Variants in UPF2 observed in about 807,000 individuals in gnomAD.
UPF2 encodes the protein UPF2 regulator of nonsense mediated mRNA decay, also known as regulator of nonsense transcripts 2.
Under a neutral mutation model 141.4 loss-of-function variants are expected in UPF2, and 17 were observed. The observed-to-expected ratio is 0.12, with a 90% CI of 0.08 to 0.18. UPF2 has a LOEUF of 0.18. Ranked by LOEUF, UPF2 falls within the 10% of genes least tolerant of loss-of-function variation. The pLI is 1.00. For synonymous variants in UPF2, 540 were observed against 498.0 expected (o/e 1.08, Z -1.12); for missense variants, 1,152 against 1,515.9 (o/e 0.76, Z 3.99).
intron 11 of UPF2, among the ~76,000 whole-genome samples, chr10:11,963,214 C>G (rs767539786): frequency 1.3e-5 from 2 of 152,174 alleles, no homozygotes; most frequent in Non-Finnish European, 2.9e-5. Context: ...ACAGCACCTA[C>G]GACACTGTAT....
chr10:12,002,444 C>G (rs544228940), intron 5 of UPF2, among the ~76,000 whole-genome samples: 12 of 152,164 alleles, frequency 7.9e-5, no homozygotes, highest in African/African-American at 2.9e-4. Context: ...GGAAAAAAGG[C>G]TGATTAAAGT....
At chr10:12,000,716 G>T (rs1285156291) in intron 6 of UPF2, among the ~76,000 whole-genome samples, 1 of 152,172 alleles carries the variant, frequency 6.6e-6, no homozygotes, top group Non-Finnish European at 1.5e-5. Flanking sequence ...TGATGCAGGA[G>T]GATGACTTGA....
At chr10:11,944,412 G>A (rs1443983488) in intron 16 of UPF2, among the ~76,000 whole-genome samples, 1 of 152,102 alleles carries the variant, frequency 6.6e-6, no homozygotes, top group East Asian at 1.9e-4. Flanking sequence ...GAGAATCACT[G>A]GAATCTGGGA....
Position 11,956,182 on chromosome 10 carries a change from A to G in UPF2, c.2574+138T>C. The G allele has an allele frequency of 2.3e-6, 2 of 874,592 alleles. No individual in the cohort carries two copies. The highest frequency in any genetic ancestry group is 3.5e-6 in the Non-Finnish European group (2 of 567,942). 54.2% of individuals were successfully genotyped at this position (874,592 alleles called of 1,614,324 possible). Reference sequence around the variant, plus strand: ...AAAAAAGAGGAAAGTGTTTACAGGAAATTCTTATAAAATGATTATCAGCTT... The same window carrying G: ...AAAAAAGAGGAAAGTGTTTACAGGAGATTCTTATAAAATGATTATCAGCTT... On this transcript the variant is annotated intron_variant, in intron 13 of 21. Coordinates refer to ENST00000357604, the MANE Select transcript of UPF2 (RefSeq NM_015542.4). The surrounding 1 kb of genome is among the most constrained non-coding windows in gnomAD (Gnocchi z 4.2).
intron 9 of UPF2, among the ~76,000 whole-genome samples, chr10:11,970,741 C>T (rs976576956): frequency 1.3e-5 from 2 of 151,956 alleles, no homozygotes; most frequent in Non-Finnish European, 2.9e-5. Context: ...CAACCTGGGA[C>T]GGGGAGGTTG....
intron 3 of UPF2, among the ~76,000 whole-genome samples, chr10:12,021,541 GGGAT>G (rs1264151681): frequency 6.6e-6 from 1 of 151,710 alleles, no homozygotes; most frequent in African/African-American, 2.4e-5. Flanking sequence ...GATCATATGT[GGGAT>G]TTATTATGTT....
At chr10:11,984,384 C>T (rs544217548) in intron 8 of UPF2, among the ~76,000 whole-genome samples, 2 of 152,172 alleles carry the variant, frequency 1.3e-5, no homozygotes, top group South Asian at 4.1e-4. Context: ...ATTTCTTAAA[C>T]TTTTTAATGT....
At chr10:11,989,095 C>T (rs1360251804) in intron 8 of UPF2, among the ~76,000 whole-genome samples, 1 of 152,094 alleles carries the variant, frequency 6.6e-6, no homozygotes, top group Non-Finnish European at 1.5e-5. Context: ...AAATATACAG[C>T]CAACCAGGAA....
chr10:11,982,111 T>G (rs774634765), intron 8 of UPF2, among the ~76,000 whole-genome samples: 1 of 152,176 alleles, frequency 6.6e-6, no homozygotes, highest in Non-Finnish European at 1.5e-5. Flanking sequence ...GAGATTAAAT[T>G]TACAAATTTT....
chr10:12,014,984 T>C lies in UPF2; in HGVS notation c.1146-800A>G, dbSNP rs1190465335. On this transcript the variant is annotated intron_variant, in intron 3 of 21. Coordinates refer to ENST00000357604, the MANE Select transcript of UPF2 (RefSeq NM_015542.4). This position sits in a 1 kb window ranked among gnomAD's most constrained non-coding sequence, Gnocchi z 5.0. ...AAGAATACACCAATAAGCCCCTAAC[T>C]ACAAATGCAAAACTACTGAAAACAC... Among the ~76,000 whole-genome samples the C allele has an allele frequency of 2.0e-5, 3 of 152,170 alleles. No homozygotes were observed. The highest frequency in any genetic ancestry group is 7.2e-5 in the African/African-American group (3 of 41,438).
chr10:12,018,467 G>A (rs1018897462), intron 3 of UPF2, among the ~76,000 whole-genome samples: 3 of 152,100 alleles, frequency 2.0e-5, no homozygotes, highest in Non-Finnish European at 1.5e-5. Flanking sequence ...TGTAATCCCA[G>A]CTACTCAGGA....
intron 8 of UPF2, among the ~76,000 whole-genome samples, chr10:11,982,310 G>A (rs1402326953): frequency 6.6e-6 from 1 of 152,166 alleles, no homozygotes; most frequent in Non-Finnish European, 1.5e-5. Context: ...AGATGGCAAA[G>A]CAACGCACTG....
chr10:11,957,870 A>T (rs1833178487), intron 12 of UPF2, among the ~76,000 whole-genome samples: 1 of 152,174 alleles, frequency 6.6e-6, no homozygotes, highest in African/African-American at 2.4e-5. Context: ...AATAAACCCA[A>T]AGTCAACTGG....
Position 11,938,853 on chromosome 10 carries a change from G to GTTTTTTTTTTTTTTTTTTTTTTTTTTT in UPF2, c.3379-2168_3379-2142dup, listed in dbSNP as rs58106776. On this transcript the variant is annotated intron_variant, in intron 18 of 21. Transcript: ENST00000357604. ...GTGGTCTTAAGCAAGTTTTTTTTTT[G>GTTTTTTTTTTTTTTTTTTTTTTTTTTT]TTTTTTTTTTTTTTTTTTTTTTTTT... Among the ~76,000 whole-genome samples the GTTTTTTTTTTTTTTTTTTTTTTTTTTT allele has an allele frequency of 1.4e-4, 11 of 79,816 alleles. 2 individuals carry two copies. The highest frequency in any genetic ancestry group is 3.6e-4 in the East Asian group (1 of 2,814). 52.4% of individuals were successfully genotyped at this position (79,816 alleles called of 152,430 possible).
At position 12,004,684 on chromosome 10, in the gene UPF2, T is replaced by C. The variant is rs753469745; in HGVS notation, c.1350A>G (p.Gly450=). The change falls in exon 5 of 22, where the codon GGA becomes GGG. Residue 450 remains glycine, a synonymous_variant. Transcript: ENST00000357604. ...ATATACCACCTTCCAAGTCATATTC[T>C]CCAGGTTTACCAGGTGTGAATATAT... is the stretch of plus-strand genomic sequence containing the variant. ...GIDIFTPGKP[G]EYDLEGGIWE... is the part of the protein sequence containing the mutation. The C allele has an allele frequency of 6.2e-7, 1 of 1,613,844 alleles. No individual in the cohort carries two copies. The highest frequency in any genetic ancestry group is 1.1e-5 in the South Asian group (1 of 91,068).
Position 11,941,980 on chromosome 10 carries a change from C to CAA in UPF2, c.3378+683_3378+684dup, listed in dbSNP as rs1832941730. Reference sequence around the variant, plus strand: ...TTTTTCCATTAACATAGAAGCTATTCAACTAATAAATGGAAGAATTTACTG... The same window carrying CAA: ...TTTTTCCATTAACATAGAAGCTATTCAAAACTAATAAATGGAAGAATTTACTG... On this transcript the variant is annotated intron_variant, in intron 18 of 21. Transcript: ENST00000357604. Among the ~76,000 whole-genome samples the CAA allele has an allele frequency of 2.0e-5, 3 of 152,274 alleles. No individual in the cohort carries two copies. The South Asian group carries it at 6.2e-4, about 32-fold the overall frequency.
chr10:12,032,838 A>T (rs1834550112), intron 2 of UPF2, among the ~76,000 whole-genome samples: 1 of 152,044 alleles, frequency 6.6e-6, no homozygotes, highest in Non-Finnish European at 1.5e-5. Flanking sequence ...GTTCCTTATT[A>T]AAAGAGGTCC....
At chr10:11,933,781 T>C (rs896285141) in intron 19 of UPF2, among the ~76,000 whole-genome samples, 1 of 152,230 alleles carries the variant, frequency 6.6e-6, no homozygotes, top group Non-Finnish European at 1.5e-5. Flanking sequence ...AAGGTGTTAA[T>C]GAATATTCAT....
chr10:12,022,724 G>A (rs1834340627), intron 3 of UPF2, among the ~76,000 whole-genome samples: 1 of 152,100 alleles, frequency 6.6e-6, no homozygotes, highest in South Asian at 2.1e-4. Context: ...ACCTACCTGT[G>A]AAGCAAGGTA....
Sources: allele counts gnomAD v4.1 joint callset (sites outside exome capture counted in the v4.1 genomes callset), GRCh38; gene constraint gnomAD v4.1.1; non-coding constraint Gnocchi (gnomAD v3.1); transcripts MANE v1.5; gene names NCBI Gene and HGNC (gene_info 2026-07-23, HGNC 2026-07-21).